MYO6: variants seen among roughly 807,000 people sequenced by gnomAD.
The protein encoded by MYO6 is myosin VI.
Under a neutral mutation model 178.7 loss-of-function variants are expected in MYO6, and 74 were observed. The observed-to-expected ratio is 0.41, with a 90% CI of 0.34 to 0.50. The LOEUF (loss-of-function observed/expected upper bound fraction) is 0.50. MYO6 is among the 20% of genes least tolerant of loss of function. The pLI is 0.09. For missense variants in MYO6, 1,330 were observed against 1,547.4 expected (o/e 0.86, Z 2.36); for synonymous variants, 477 against 504.6 (o/e 0.95, Z 0.73).
At chr6:75,775,462 C>G (rs557480742) in intron 1 of MYO6, among the ~76,000 whole-genome samples, 67 of 152,310 alleles carry the variant, frequency 4.4e-4, no homozygotes, top group African/African-American at 1.5e-3. Flanking sequence ...TGGAAATAAA[C>G]TTCTCAGGTT....
chr6:75,839,073 T>A (rs1429590846), intron 7 of MYO6, among the ~76,000 whole-genome samples: 1 of 152,160 alleles, frequency 6.6e-6, no homozygotes, highest in Non-Finnish European at 1.5e-5. Flanking sequence ...TGGGGAATGA[T>A]CTTTAAAAGA....
intron 1 of MYO6, among the ~76,000 whole-genome samples, chr6:75,805,021 A>ATATATATATATATATATTTT (rs1252912172): frequency 1.3e-5 from 1 of 77,312 alleles, no homozygotes; most frequent in African/African-American, 1.0e-4. Context: ...ATATATATAT[A>ATATATATATATATATATTTT]TTTTTTTTTT....
Position 75,915,373 on chromosome 6 carries a change from CACAGTACCATATAACTGGAGTA to C in MYO6, c.*363_*384del, listed in dbSNP as rs1278484287. 23 of 306,606 alleles carry C rather than the reference CACAGTACCATATAACTGGAGTA, an allele frequency of 7.5e-5. No homozygotes were observed. The highest frequency in any genetic ancestry group is 7.6e-5 in the Non-Finnish European group (12 of 157,818). 19.0% of individuals were successfully genotyped at this position (306,606 alleles called of 1,614,324 possible). A position where few individuals can be genotyped will look rare whatever the true frequency, so the allele number is the denominator to read the frequency against. On this transcript the variant is annotated 3_prime_UTR_variant, in exon 35 of 35. Coordinates refer to ENST00000369977, the MANE Select transcript of MYO6 (RefSeq NM_004999.4). ...AATTCAAAATACTTTTTAAGGATGG[CACAGTACCATATAACTGGAGTA>C]ATAAAACATGAGCTTACATTCTTAC... is the stretch of plus-strand genomic sequence containing the variant.
At chr6:75,902,167 G>C (rs1469067286) in intron 30 of MYO6, among the ~76,000 whole-genome samples, 2 of 152,154 alleles carry the variant, frequency 1.3e-5, no homozygotes, top group Non-Finnish European at 2.9e-5. Context: ...GTTCTTCAAG[G>C]ATATTGGTCT....
chr6:75,772,331 C>G (rs562159916), intron 1 of MYO6, among the ~76,000 whole-genome samples: 3 of 152,050 alleles, frequency 2.0e-5, no homozygotes, highest in African/African-American at 7.2e-5. Flanking sequence ...ATACACTATC[C>G]CCCACCCCCG....
At chr6:75,828,911 A>G (rs1772776073) in intron 4 of MYO6, among the ~76,000 whole-genome samples, 1 of 152,154 alleles carries the variant, frequency 6.6e-6, no homozygotes, top group Non-Finnish European at 1.5e-5. Flanking sequence ...GAGTATTTTT[A>G]AAAGCACTGT....
At chr6:75,752,213 A>C (rs550259217) in intron 1 of MYO6, among the ~76,000 whole-genome samples, 1 of 152,214 alleles carries the variant, frequency 6.6e-6, no homozygotes, top group East Asian at 1.9e-4. Context: ...GCTGGTCTCA[A>C]ACTCCTGAGC....
intron 1 of MYO6, among the ~76,000 whole-genome samples, chr6:75,795,937 A>C (rs1174167266): frequency 2.6e-5 from 4 of 152,208 alleles, no homozygotes; most frequent in Non-Finnish European, 5.9e-5. Context: ...TTTGCTTTTT[A>C]ATGGGTTTAT....
chr6:75,894,811 C>G (rs1236967074), intron 28 of MYO6: 2 of 1,513,480 alleles, frequency 1.3e-6, no homozygotes, highest in Non-Finnish European at 1.8e-6. Flanking sequence ...GTTACTTTTC[C>G]AGCTTGGATT....
chr6:75,822,186 C>A (rs1413415054), intron 2 of MYO6, among the ~76,000 whole-genome samples: 3 of 151,884 alleles, frequency 2.0e-5, no homozygotes, highest in Admixed American at 1.3e-4. Context: ...CATCCTCCAC[C>A]TCCTGGGTTC....
In MYO6 at chr6:75,879,420, T is replaced by G. The variant is rs1430729105; in HGVS notation, c.2078-400T>G. Among the ~76,000 whole-genome samples the G allele has an allele frequency of 1.0e-4, 6 of 57,818 alleles. No homozygotes were observed. In the East Asian group the frequency reaches 2.1e-3, roughly 20 times the overall value. 37.9% of individuals were successfully genotyped at this position (57,818 alleles called of 152,430 possible). A position where few individuals can be genotyped will look rare whatever the true frequency, so the allele number is the denominator to read the frequency against. On this transcript the variant is annotated intron_variant, in intron 20 of 34. Transcript: ENST00000369977. ...CTAGCATGCCTGGCTGATTTCTCTA[T>G]TTTTTTTTTTTTTTTTTGTAGAGAT...
chr6:75,897,695 TTGA>T (rs1257009668), intron 29 of MYO6, among the ~76,000 whole-genome samples: 3 of 152,322 alleles, frequency 2.0e-5, no homozygotes, highest in Admixed American at 6.5e-5. Flanking sequence ...TAAAGAAGTG[TTGA>T]TGAACACTAT....
chr6:75,796,178 C>T (rs1476704322), intron 1 of MYO6, among the ~76,000 whole-genome samples: 3 of 152,130 alleles, frequency 2.0e-5, no homozygotes, highest in African/African-American at 7.2e-5. Context: ...TTCTGTTCTA[C>T]CAGAGACCTT....
At chr6:75,822,290 G>A (rs1771966985) in intron 2 of MYO6, among the ~76,000 whole-genome samples, 1 of 151,982 alleles carries the variant, frequency 6.6e-6, no homozygotes, top group Non-Finnish European at 1.5e-5. Flanking sequence ...TAGAGACGGA[G>A]TTCTACCATG....
At chr6:75,846,087 T>A (rs7748145) in intron 10 of MYO6, among the ~76,000 whole-genome samples, 39,719 of 151,708 alleles carry the variant, frequency 0.26, 5,845 homozygotes, top group Middle Eastern at 0.39. Context: ...GTAAATTATA[T>A]TTCTAAGAAT....
intron 1 of MYO6, among the ~76,000 whole-genome samples, chr6:75,801,899 C>T (rs1206191834): frequency 2.0e-5 from 3 of 151,704 alleles, no homozygotes; most frequent in Non-Finnish European, 2.9e-5. Context: ...TGAGATCACG[C>T]CATTGTACTC....
intron 1 of MYO6, among the ~76,000 whole-genome samples, chr6:75,757,294 GTGTATGTA>G (rs1777524138): frequency 6.8e-6 from 1 of 147,744 alleles, no homozygotes; most frequent in Non-Finnish European, 1.5e-5. Flanking sequence ...ATATATGTGT[GTGTATGTA>G]TACACACACA....
chr6:75,911,440 C>T (rs1015707241), intron 32 of MYO6, among the ~76,000 whole-genome samples: 2 of 151,764 alleles, frequency 1.3e-5, no homozygotes, highest in South Asian at 4.1e-4. Flanking sequence ...TTTTGGTCCT[C>T]TTTATATGTG....
Position 75,907,642 on chromosome 6 carries a change from A to G in MYO6, c.3214A>G (p.Thr1072Ala). Reference sequence around the variant, plus strand: ...ACTAGCCACCAAAGCAGCTGCTGGTACTAAGAAATATGATCTTAGTAAATG... The same window carrying G: ...ACTAGCCACCAAAGCAGCTGCTGGTGCTAAGAAATATGATCTTAGTAAATG... ...AVLATKAAAG[T>A]KKYDLSKWKY... Residue 1072 changes from threonine (T) to alanine (A), a missense_variant, in exon 31 of 35, where the codon ACT becomes GCT. Physicochemically the swap from Thr to Ala is moderately conservative, Grantham distance 58. Transcript: ENST00000369977. 1 of 1,613,850 alleles carries G rather than the reference A, an allele frequency of 6.2e-7. No homozygotes were observed. Among genetic ancestry groups the G allele is most frequent in the Non-Finnish European group, 8.5e-7 (1 of 1,179,922 alleles).
Sources: gnomAD v4.1 joint callset for allele counts (sites outside exome capture counted in the v4.1 genomes callset) on GRCh38, gnomAD v4.1.1 for gene constraint, MANE v1.5 for transcripts, NCBI Gene and HGNC (gene_info 2026-07-23, HGNC 2026-07-21) for gene names.